The following GSE1 variants were observed in gnomAD, a reference collection of about 807,000 sequenced individuals.
The protein encoded by GSE1 is genetic suppressor element 1.
Under a neutral mutation model 112.6 loss-of-function variants are expected in GSE1, and 32 were observed. That is an observed-to-expected ratio of 0.28 (90% CI 0.21 to 0.38). GSE1 has a LOEUF of 0.38. Among genes scored for constraint, GSE1 ranks in the 10% least tolerant of loss-of-function variants. The pLI, the probability that GSE1 is intolerant of heterozygous loss-of-function variation, is 1.00. For synonymous variants in GSE1, 1,115 were observed against 735.6 expected (o/e 1.52, Z -8.35); for missense variants, 2,348 against 1,699.2 (o/e 1.38, Z -6.71).
chr16:85,669,532 T>A (rs1429949076), intron 14 of GSE1, among the ~76,000 whole-genome samples: 3 of 152,172 alleles, frequency 2.0e-5, no homozygotes, highest in Middle Eastern at 3.2e-3. Context: ...AATCTTTGAG[T>A]TTATTGCGCA....
chr16:85,387,010 C>T (rs1371362588), intron 2 of GSE1, among the ~76,000 whole-genome samples: 1 of 152,192 alleles, frequency 6.6e-6, no homozygotes, highest in Non-Finnish European at 1.5e-5. Context: ...CTAGCACCAG[C>T]TCCCTGAGTT....
intron 2 of GSE1, among the ~76,000 whole-genome samples, chr16:85,367,723 C>T (rs184946628): frequency 5.8e-4 from 88 of 152,232 alleles, no homozygotes; most frequent in Middle Eastern, 3.4e-3. Flanking sequence ...CTCTCCAGTG[C>T]GTGGCACAGT....
intron 1 of GSE1, among the ~76,000 whole-genome samples, chr16:85,223,514 C>A (rs1010340224): frequency 6.6e-6 from 1 of 151,752 alleles, no homozygotes; most frequent in African/African-American, 2.4e-5. Context: ...CAGAGCAAGA[C>A]TCCATCTCAA....
chr16:85,575,351 C>T (rs1220498049), intron 1 of GSE1, among the ~76,000 whole-genome samples: 1 of 152,224 alleles, frequency 6.6e-6, no homozygotes, highest in East Asian at 1.9e-4. Flanking sequence ...ATCTGCTATC[C>T]GGCATAAACA....
chr16:85,557,400 G>T (rs2045286887), intron 1 of GSE1, among the ~76,000 whole-genome samples: 1 of 152,100 alleles, frequency 6.6e-6, no homozygotes, highest in South Asian at 2.1e-4. Flanking sequence ...TGAAGGTGGG[G>T]TGTGTGTGGG....
chr16:85,521,563 C>T (rs1012558668), intron 2 of GSE1, among the ~76,000 whole-genome samples: 4 of 152,236 alleles, frequency 2.6e-5, no homozygotes, highest in East Asian at 1.9e-4. Flanking sequence ...CTGTGGACCT[C>T]GGTATCTTCT....
chr16:85,603,968 CGGTATAATT>C (rs1567637284), intron 1 of GSE1, among the ~76,000 whole-genome samples: 1 of 152,072 alleles, frequency 6.6e-6, no homozygotes, highest in African/African-American at 2.4e-5. Flanking sequence ...TAAAGAAAAG[CGGTATAATT>C]GGTTCATGGT....
chr16:85,441,735 G>A (rs2049380701), intron 2 of GSE1, among the ~76,000 whole-genome samples: 1 of 152,210 alleles, frequency 6.6e-6, no homozygotes, highest in Non-Finnish European at 1.5e-5. Flanking sequence ...AAAGGCTGTT[G>A]TGATAGAAGG....
chr16:85,643,092 T>A (rs1235251536), intron 2 of GSE1, among the ~76,000 whole-genome samples: 9 of 152,178 alleles, frequency 5.9e-5, no homozygotes, highest in Admixed American at 5.9e-4. Context: ...TTGCCCTCAA[T>A]ACACTCCCTC....
At chr16:85,540,839 T>G (rs560596182) in intron 2 of GSE1, among the ~76,000 whole-genome samples, 1 of 152,184 alleles carries the variant, frequency 6.6e-6, no homozygotes, top group African/African-American at 2.4e-5. Flanking sequence ...CCCAGGAGTT[T>G]GAGGCTGCAG....
chr16:85,287,201 T>A (rs995386262), intron 1 of GSE1, among the ~76,000 whole-genome samples: 7 of 152,166 alleles, frequency 4.6e-5, no homozygotes, highest in Non-Finnish European at 1.0e-4. Flanking sequence ...CTCTGTCAGA[T>A]CTGGCTCCTG....
chr16:85,656,488 A>G lies in GSE1; in HGVS notation c.1135A>G (p.Lys379Glu). 6.5e-7 allele frequency: 1 copy of G among 1,540,468 alleles called. No individual in the cohort carries two copies. ...GCAAGAGAAGGAGCGTGAGCGTGAG[A>G]AGGAGCGCGAGCGCGAGCTGGAGCG... ...REQEKERERE[K>E]ERERELERQR... Residue 379 changes from lysine (K) to glutamate (E), a missense_variant, in exon 7 of 16, where the codon AAG becomes GAG. Coordinates refer to ENST00000253458, the MANE Select transcript of GSE1 (RefSeq NM_014615.5).
chr16:85,397,992 G>C (rs1459871173), intron 2 of GSE1, among the ~76,000 whole-genome samples: 1 of 152,108 alleles, frequency 6.6e-6, no homozygotes, highest in African/African-American at 2.4e-5. Flanking sequence ...GGTGGGGTTG[G>C]GGGTGGGGGC....
intron 14 of GSE1, among the ~76,000 whole-genome samples, chr16:85,670,209 G>C (rs752722974): frequency 2.6e-5 from 4 of 152,216 alleles, no homozygotes; most frequent in Non-Finnish European, 4.4e-5. Flanking sequence ...AGGAATCACA[G>C]ATGATCAAAC....
At chr16:85,427,270 A>G (rs2151752637) in intron 2 of GSE1, among the ~76,000 whole-genome samples, 1 of 152,344 alleles carries the variant, frequency 6.6e-6, no homozygotes, top group South Asian at 2.1e-4. Context: ...TCAGGCACAA[A>G]TGTGAGCCAC....
In GSE1 at chr16:85,419,814, C is replaced by T. The variant is rs565068690; in HGVS notation, c.2464+62171C>T. Among the ~76,000 whole-genome samples the T allele has an allele frequency of 2.4e-3, 350 of 147,812 alleles. 2 individuals are homozygous for T. The highest frequency in any genetic ancestry group is 4.2e-3 in the Admixed American group (63 of 14,900). On this transcript the variant is annotated intron_variant, in intron 2 of 2. Transcript: ENST00000637419. The surrounding 1 kb of genome is among the most constrained non-coding windows in gnomAD (Gnocchi z 6.5). ...GGAAATGGTCCGAGTAGGGCTTCTG[C>T]AGGGCCAGCCAGGAACTCCACAGGT... is the stretch of plus-strand genomic sequence containing the variant.
chr16:85,420,517 A>AG (rs60191171), intron 2 of GSE1, among the ~76,000 whole-genome samples: 234 of 152,130 alleles, frequency 1.5e-3, no homozygotes, highest in African/African-American at 5.3e-3. Context: ...TCCAGGGCCA[A>AG]GGGGGGTGGC....
At chr16:85,554,904 G>A, upstream of GSE1, 9 of 985,410 alleles carry the variant, frequency 9.1e-6, no homozygotes, top group Non-Finnish European at 1.1e-5. Context: ...GCTTCGGAGC[G>A]AAGGGGAGCA....
chr16:85,201,702 A>T (rs1323740510), intron 1 of GSE1, among the ~76,000 whole-genome samples: 1 of 151,216 alleles, frequency 6.6e-6, no homozygotes, highest in African/African-American at 2.4e-5. Flanking sequence ...TGGGCCGCTG[A>T]CCACTGACTC....
Sources: gnomAD v4.1 joint callset for allele counts (sites outside exome capture counted in the v4.1 genomes callset) on GRCh38, gnomAD v4.1.1 for gene constraint, Gnocchi (gnomAD v3.1) non-coding constraint, MANE v1.5 for transcripts, NCBI Gene and HGNC (gene_info 2026-07-23, HGNC 2026-07-21) for gene names.